The following TENM4 variants were observed in gnomAD, a reference collection of about 807,000 sequenced individuals.
The protein encoded by TENM4 is teneurin-4.
In TENM4, 82 loss-of-function variants were observed where a neutral mutation model predicts 243.3. The observed-to-expected ratio is 0.34, with a 90% CI of 0.28 to 0.40. The LOEUF is 0.40. Ranked by LOEUF, TENM4 falls within the 10% of genes least tolerant of loss-of-function variation. TENM4 has a pLI of 1.00. For missense variants in TENM4, 3,138 were observed against 3,673.3 expected, an observed-to-expected ratio of 0.85 and a Z score of 3.77; for synonymous variants, 1,412 against 1,456.3, an observed-to-expected ratio of 0.97 and a Z score of 0.69.
At chr11:78,704,032 TATACAC>T (rs1266975948) in intron 27 of TENM4, among the ~76,000 whole-genome samples, 2 of 136,552 alleles carry the variant, frequency 1.5e-5, no homozygotes, top group Non-Finnish European at 3.0e-5. Context: ...CACATATATA[TATACAC>T]ACACACACAC....
intron 9 of TENM4, among the ~76,000 whole-genome samples, chr11:78,873,098 G>C (rs978556924): frequency 3.3e-5 from 5 of 152,128 alleles, no homozygotes; most frequent in African/African-American, 1.2e-4. Context: ...ACACCCTACA[G>C]CTTCCCAGTC....
intron 1 of TENM4, among the ~76,000 whole-genome samples, chr11:79,325,404 T>G (rs12794225): frequency 0.2 from 30,420 of 152,120 alleles, 3,303 homozygotes; most frequent in East Asian, 0.35. Flanking sequence ...GCTGTTTGAA[T>G]GAAAAGACCC....
At chr11:79,432,156 T>C (rs11237834) in intron 1 of TENM4, among the ~76,000 whole-genome samples, 33,756 of 152,124 alleles carry the variant, frequency 0.22, 3,927 homozygotes, top group East Asian at 0.35. Context: ...CATTGCTCAA[T>C]AAATATTTAT....
chr11:79,097,818 C>T (rs1861119295), intron 4 of TENM4: 1 of 149,468 alleles, frequency 6.7e-6, no homozygotes, highest in African/African-American at 2.5e-5. Flanking sequence ...TTTATATTAA[C>T]ATTTTGCTTT....
chr11:79,299,360 T>A (rs1343863865), intron 1 of TENM4, among the ~76,000 whole-genome samples: 18 of 152,200 alleles, frequency 1.2e-4, no homozygotes, highest in Non-Finnish European at 2.6e-4. Context: ...AGGCCTCTGC[T>A]TGCCTGCTTC....
intron 15 of TENM4, among the ~76,000 whole-genome samples, chr11:78,790,853 T>C (rs536524358): frequency 1.3e-4 from 20 of 152,270 alleles, no homozygotes; most frequent in African/African-American, 3.6e-4. Flanking sequence ...ATATGTGAAA[T>C]GAAATGAGGT....
At chr11:79,417,674 T>A (rs1467496326) in intron 1 of TENM4, among the ~76,000 whole-genome samples, 2 of 152,022 alleles carry the variant, frequency 1.3e-5, no homozygotes, top group East Asian at 3.9e-4. Context: ...CTGCTCATAC[T>A]TGCAATATGA....
chr11:79,229,009 T>G lies in TENM4; in HGVS notation c.-264-13100A>C, dbSNP rs559523768. On this transcript the variant is annotated intron_variant, in intron 2 of 33. Transcript: ENST00000278550. ...TCAGGCTCCTCTTGGCTATGACAAT[T>G]TTTTAGATGTTCTTTGTTTTTGATG... is the stretch of plus-strand genomic sequence containing the variant. Among the ~76,000 whole-genome samples the G allele has an allele frequency of 3.3e-5, 5 of 152,328 alleles. No individual in the cohort carries two copies. The South Asian group carries it at 8.3e-4, about 25-fold the overall frequency.
chr11:78,854,485 C>A (rs1858625834), intron 11 of TENM4, among the ~76,000 whole-genome samples, 171 bp from the exon 12 acceptor site: 2 of 152,338 alleles, frequency 1.3e-5, no homozygotes, highest in South Asian at 4.1e-4. Context: ...CTTCCCCAGA[C>A]CCATTTTTTC....
chr11:79,070,134 C>T (rs1860373734), intron 4 of TENM4, 125 bp from the exon 5 acceptor site: 2 of 1,184,230 alleles, frequency 1.7e-6, no homozygotes, highest in South Asian at 1.6e-5. Flanking sequence ...GAGAGGGTAC[C>T]GCTCCACCAC....
Position 78,812,235 on chromosome 11 carries a change from T to C in TENM4, c.1865A>G (p.Glu622Gly), listed in dbSNP as rs751728217. ...ACACTGGTTGGTGGGCACATCGCACTCAGCGCCTTTCCAGCCACTGTGGCA... is the reference window on the plus strand; with the variant it reads ...ACACTGGTTGGTGGGCACATCGCACCCAGCGCCTTTCCAGCCACTGTGGCA... ...CLCHSGWKGAECDVPTNQCID... is the reference protein window; with the variant it reads ...CLCHSGWKGAGCDVPTNQCID... The change falls in exon 14 of 34, where the codon GAG (glutamate) becomes GGG (glycine). Residue 622 changes from glutamate to glycine, a missense_variant. By Grantham distance (98) the Glu-to-Gly change is moderately conservative (BLOSUM62 -2). This residue lies in a region of TENM4 where 2,467 missense variants were observed against 3,059.1 expected (regional missense o/e 0.81). Coordinates refer to ENST00000278550, the MANE Select transcript of TENM4 (RefSeq NM_001098816.3). The C allele has an allele frequency of 1.3e-6, 2 of 1,551,984 alleles. No homozygotes were observed. The highest frequency in any genetic ancestry group is 2.4e-5 in the South Asian group (2 of 84,068).
chr11:78,993,106 C>T (rs757647974), intron 6 of TENM4, among the ~76,000 whole-genome samples: 5 of 151,916 alleles, frequency 3.3e-5, no homozygotes, highest in East Asian at 1.9e-4. Flanking sequence ...TGTGATATGC[C>T]GTGATAGCCT....
At chr11:78,983,892 C>T (rs532646100) in intron 6 of TENM4, among the ~76,000 whole-genome samples, 115 of 152,330 alleles carry the variant, frequency 7.5e-4, no homozygotes, top group African/African-American at 2.7e-3. Flanking sequence ...TTGAGCAAAT[C>T]ACTAACCCAA....
At chr11:79,128,900 G>C (rs1042223969) in intron 4 of TENM4, among the ~76,000 whole-genome samples, 4 of 152,200 alleles carry the variant, frequency 2.6e-5, no homozygotes, top group African/African-American at 9.6e-5. Context: ...CAAATGGACA[G>C]AGCAGTATGC....
chr11:78,856,551 C>T (rs1414226846), intron 10 of TENM4, among the ~76,000 whole-genome samples: 2 of 152,054 alleles, frequency 1.3e-5, no homozygotes, highest in Admixed American at 1.3e-4. Context: ...TTAAGGGGCT[C>T]ACGGTAAAAT....
Position 78,702,251 on chromosome 11 carries a change from G to A in TENM4, c.4362C>T (p.Asp1454=). The A allele has an allele frequency of 1.2e-6, 2 of 1,614,042 alleles. No homozygotes were observed. The highest frequency in any genetic ancestry group is 1.7e-6 in the Non-Finnish European group (2 of 1,179,894). Residue 1454 remains aspartate (D), a synonymous_variant, in exon 28 of 34, where the codon GAC becomes GAT. Transcript: ENST00000278550. ...RPMHCQVPGI[D]HFLLSKVAIH... is the part of the protein sequence containing the mutation. ...TGGCCACCTTGCTTAGCAGGAAGTG[G>A]TCAATGCCAGGGACCTGGCAGTGCA...
intron 2 of TENM4, among the ~76,000 whole-genome samples, chr11:79,241,560 G>C (rs1001142023): frequency 1.3e-5 from 2 of 152,208 alleles, no homozygotes; most frequent in African/African-American, 4.8e-5. Context: ...CTAAAGTGAG[G>C]CTTGATAGTA....
chr11:79,133,460 C>T (rs997209787), intron 4 of TENM4, among the ~76,000 whole-genome samples: 5 of 152,078 alleles, frequency 3.3e-5, no homozygotes, highest in Admixed American at 6.6e-5. Context: ...TGACACTATT[C>T]CACAAGATCG....
At chr11:79,335,926 C>G (rs900991697) in intron 1 of TENM4, among the ~76,000 whole-genome samples, 8 of 152,158 alleles carry the variant, frequency 5.3e-5, no homozygotes, top group African/African-American at 1.9e-4. Flanking sequence ...ACCGCTCCCT[C>G]CCTTTCAAGT....
Sources: gnomAD v4.1 joint callset for allele counts (sites outside exome capture counted in the v4.1 genomes callset) on GRCh38, gnomAD v4.1.1 for gene constraint, gnomAD v4.1.1 regional missense constraint, MANE v1.5 for transcripts, NCBI Gene and HGNC (gene_info 2026-07-23, HGNC 2026-07-21) for gene names.